The following SBDS variants were observed in gnomAD, a reference collection of about 807,000 sequenced individuals.
SBDS encodes ribosome maturation protein SBDS.
A neutral mutation model predicts 26.4 loss-of-function variants in SBDS; 20 were observed. The ratio of observed to expected loss-of-function variants is 0.76; its 90% CI spans 0.53 to 1.10. The LOEUF is 1.10. Among genes scored for constraint, SBDS ranks in the 50% least tolerant of loss-of-function variants. SBDS has a pLI of 0.00. For synonymous variants in SBDS, 95 were observed against 105.1 expected (o/e 0.90, Z 0.59); for missense variants, 241 against 302.0 (o/e 0.80, Z 1.50).
In SBDS at chr7:66,994,256, T is replaced by C. The variant is rs1254063231; in HGVS notation, c.214A>G (p.Ile72Val). 2 of 1,613,730 alleles carry C rather than the reference T, an allele frequency of 1.2e-6. No homozygotes were observed. The highest frequency in any genetic ancestry group is 1.7e-6 in the Non-Finnish European group (2 of 1,179,596). Residue 72 changes from isoleucine (I) to valine (V), a missense_variant, in exon 2 of 5, where the codon ATC (isoleucine) becomes GTC (valine). Physicochemically the swap from Ile to Val is conservative, Grantham distance 29. Transcript: ENST00000246868. ...KGQVAKKEDL[I>V]SAFGTDDQTE... Reference sequence around the variant, plus strand: ...TGGTCATCTGTTCCAAACGCACTGATGAGATCTTCCTTTTTGGCAACCTGA... The same window carrying C: ...TGGTCATCTGTTCCAAACGCACTGACGAGATCTTCCTTTTTGGCAACCTGA...
At position 66,994,354 on chromosome 7, in the gene SBDS, G is replaced by A; in HGVS notation, c.129-13C>T. ...GAGGTCTTTTTCCCTTGTGAGGGCA[G>A]GAGAGAAAGTCCTATGTGAATATAC... On this transcript the variant is annotated splice_polypyrimidine_tract_variant and intron_variant, in intron 1 of 4. Coordinates refer to ENST00000246868, the MANE Select transcript of SBDS (RefSeq NM_016038.4). 6.2e-7 allele frequency: 1 copy of A among 1,612,410 alleles called. No homozygotes were observed. Among genetic ancestry groups the A allele is most frequent in the East Asian group, 2.2e-5 (1 of 44,848 alleles).
chr7:66,994,894 G>A (rs1793064434), intron 1 of SBDS, among the ~76,000 whole-genome samples: 1 of 152,218 alleles, frequency 6.6e-6, no homozygotes, highest in South Asian at 2.1e-4. Flanking sequence ...GATGGCAGCA[G>A]TGAAGACACT....
chr7:66,992,782 C>T lies in SBDS; in HGVS notation c.459+435G>A, dbSNP rs186753922. ...CAGCACTTTGGGAGGCCAAGGCGGA[C>T]GGATCACCTAGGGTCAGGAGTTCAA... On this transcript the variant is annotated intron_variant, in intron 3 of 4. Coordinates refer to ENST00000246868, the MANE Select transcript of SBDS (RefSeq NM_016038.4). Among the ~76,000 whole-genome samples, 500 of 152,004 alleles carry T rather than the reference C, an allele frequency of 3.3e-3. 3 individuals are homozygous for T. Among genetic ancestry groups the T allele is most frequent in the African/African-American group, 0.011 (448 of 41,462 alleles).
chr7:66,993,881 C>A (rs755318699), intron 2 of SBDS, among the ~76,000 whole-genome samples: 3 of 150,380 alleles, frequency 2.0e-5, no homozygotes, highest in Admixed American at 1.3e-4. Flanking sequence ...TCTGTCCCCC[C>A]ACCCAAAAAA....
At chr7:66,992,909 A>G (rs2129232149) in intron 3 of SBDS, among the ~76,000 whole-genome samples, 2 of 151,736 alleles carry the variant, frequency 1.3e-5, no homozygotes, top group African/African-American at 4.8e-5. Flanking sequence ...CAGGAGGCTG[A>G]GGCAGGAGAC....
At chr7:66,995,231 G>A (rs1793075853) in intron 1 of SBDS, 59 bp downstream of exon 1, 2 of 1,610,780 alleles carry the variant, frequency 1.2e-6, no homozygotes, top group Admixed American at 3.3e-5. Context: ...GCAGAGACAG[G>A]CCGCCTCGGA....
chr7:66,995,509 T>G lies in SBDS; in HGVS notation c.-92A>C, dbSNP rs1584439218. On this transcript the variant is annotated 5_prime_UTR_variant, in exon 1 of 5. Coordinates refer to ENST00000246868, the MANE Select transcript of SBDS (RefSeq NM_016038.4). ...ACCAGCGCCTCGCGGTAACGACCGA[T>G]CGGCGCGCGGCACTGACCCAACCAC... is the stretch of plus-strand genomic sequence containing the variant. 1.4e-5 allele frequency: 23 copies of G among 1,593,692 alleles called. No homozygotes were observed. In the East Asian group the frequency reaches 1.6e-4, roughly 11 times the overall value.
At position 66,993,430 on chromosome 7, in the gene SBDS, C is replaced by T; in HGVS notation, c.259-13G>A. 6.2e-7 allele frequency: 1 copy of T among 1,602,854 alleles called. No individual in the cohort carries two copies. ...CTTTAGTCAAAATCTAAAAAAATGCCAACACATTTAAGAAATCACTATCTT... is the reference window on the plus strand; with the variant it reads ...CTTTAGTCAAAATCTAAAAAAATGCTAACACATTTAAGAAATCACTATCTT... On this transcript the variant is annotated splice_polypyrimidine_tract_variant and intron_variant, in intron 2 of 4. Transcript: ENST00000246868.
chr7:66,993,604 T>C (rs930729181), intron 2 of SBDS, among the ~76,000 whole-genome samples, 187 bp from the exon 3 acceptor site: 3 of 152,168 alleles, frequency 2.0e-5, no homozygotes, highest in African/African-American at 7.2e-5. Context: ...CTGGGCTCAG[T>C]GGCTCACATC....
chr7:66,992,497 A>G (rs1792993885), intron 3 of SBDS, among the ~76,000 whole-genome samples: 1 of 152,158 alleles, frequency 6.6e-6, no homozygotes, highest in Non-Finnish European at 1.5e-5. Flanking sequence ...AAAAAATTCA[A>G]AAAGAAGTGT....
chr7:66,995,446 C>T lies in SBDS; in HGVS notation c.-29G>A, dbSNP rs1793090633. 1 of 1,612,746 alleles carries T rather than the reference C, an allele frequency of 6.2e-7. No homozygotes were observed. The highest frequency in any genetic ancestry group is 8.5e-7 in the Non-Finnish European group (1 of 1,179,960). On this transcript the variant is annotated 5_prime_UTR_variant, in exon 1 of 5. Coordinates refer to ENST00000246868, the MANE Select transcript of SBDS (RefSeq NM_016038.4). ...GGCTGTTCAAAGACCCAGAAGCCGG[C>T]GAACCAGGGCTGACCCGCGCCGTCC...
chr7:66,994,034 A>C (rs867002892), intron 2 of SBDS, among the ~76,000 whole-genome samples, 178 bp downstream of exon 2: 4 of 150,876 alleles, frequency 2.7e-5, no homozygotes, highest in African/African-American at 4.9e-5. Context: ...AAAAAAAAAA[A>C]AAAACCACAA....
intron 4 of SBDS, 28 bp downstream of exon 4, chr7:66,991,109 T>C (rs1372921575): frequency 1.5e-5 from 24 of 1,586,904 alleles, no homozygotes; most frequent in African/African-American, 2.7e-5. Context: ...TTAGGTAACA[T>C]GAAGCAAAGA....
chr7:66,994,123 C>T, intron 2 of SBDS, 89 bp downstream of exon 2: 9 of 1,321,166 alleles, frequency 6.8e-6, no homozygotes, highest in Non-Finnish European at 9.7e-6. Context: ...TTAGTCTTTC[C>T]TCCAGAAAAA....
intron 4 of SBDS, 75 bp downstream of exon 4, chr7:66,991,062 A>G (rs746074439): frequency 1.5e-6 from 2 of 1,337,446 alleles, no homozygotes; most frequent in Non-Finnish European, 2.1e-6. Flanking sequence ...CAACATCTAA[A>G]TGTTTGCTAC....
chr7:66,991,051 A>T, intron 4 of SBDS, 86 bp downstream of exon 4: 2 of 1,261,796 alleles, frequency 1.6e-6, no homozygotes, highest in Non-Finnish European at 2.2e-6. Flanking sequence ...TCTGACGTTT[A>T]CAACATCTAA....
At chr7:66,994,188 A>G (rs1338753608) in intron 2 of SBDS, 24 bp downstream of exon 2, 2 of 1,612,900 alleles carry the variant, frequency 1.2e-6, no homozygotes. Flanking sequence ...TATTAGGGTT[A>G]GCTATGCTGC....
chr7:66,991,575 A>C (rs1792975398), intron 3 of SBDS, among the ~76,000 whole-genome samples: 1 of 152,062 alleles, frequency 6.6e-6, no homozygotes, highest in South Asian at 2.1e-4. Flanking sequence ...GGTGCATCAC[A>C]AGGTCAGGAA....
chr7:66,994,475 G>C (rs1288640878), intron 1 of SBDS, 134 bp from the exon 2 acceptor site: 1 of 856,550 alleles, frequency 1.2e-6, no homozygotes, highest in Admixed American at 1.9e-5. Context: ...TAGTGTAGAG[G>C]GCAGTTTTCT....
Sources: gnomAD v4.1 joint callset for allele counts (sites outside exome capture counted in the v4.1 genomes callset) on GRCh38, gnomAD v4.1.1 for gene constraint, MANE v1.5 for transcripts, NCBI Gene and HGNC (gene_info 2026-07-23, HGNC 2026-07-21) for gene names.